NRXN2: variants seen among roughly 807,000 people sequenced by gnomAD.
The protein encoded by NRXN2 is neurexin-2-beta.
In NRXN2, 29 loss-of-function variants were observed where a neutral mutation model predicts 128.8. That is an observed-to-expected ratio of 0.23 (90% CI 0.17 to 0.31). The LOEUF (loss-of-function observed/expected upper bound fraction) is 0.31, where lower values mean the gene tolerates loss of function less well. Ranked by LOEUF, NRXN2 falls within the 10% of genes least tolerant of loss-of-function variation. The pLI, the probability that NRXN2 is intolerant of heterozygous loss-of-function variation, is 1.00. For synonymous variants in NRXN2, 1,098 were observed against 1,075.2 expected (o/e 1.02, Z -0.41); for missense variants, 1,881 against 2,452.6 (o/e 0.77, Z 4.92).
intron 15 of NRXN2, among the ~76,000 whole-genome samples, chr11:64,650,192 C>G (rs2047265760): frequency 6.6e-6 from 1 of 152,076 alleles, no homozygotes; most frequent in African/African-American, 2.4e-5. Context: ...ACTCCTAGCT[C>G]TGGAATGAGG....
intron 17 of NRXN2, among the ~76,000 whole-genome samples, chr11:64,637,891 C>A (rs555299913): frequency 9.9e-5 from 15 of 152,282 alleles, no homozygotes; most frequent in African/African-American, 3.6e-4. Context: ...AAAAAGCCGG[C>A]CAAATGCCCC....
intron 5 of NRXN2, chr11:64,688,741 T>C: frequency 1.0e-6 from 1 of 985,300 alleles, no homozygotes; most frequent in Non-Finnish European, 1.2e-6. Context: ...GTGTCCCCAG[T>C]GAATGTGGCT....
Position 64,654,736 on chromosome 11 carries a change from C to T in NRXN2, c.2390-1014G>A, listed in dbSNP as rs2048002230. 2.6e-5 allele frequency among the ~76,000 whole-genome samples: 4 copies of T among 152,192 alleles called. No individual in the cohort carries two copies. The South Asian group carries it at 8.3e-4, about 31-fold the overall frequency. On this transcript the variant is annotated intron_variant, in intron 11 of 22. Transcript: ENST00000265459. ...AGATTTAAGGCCTTTAGGATGTCTG[C>T]ACCACTCCATCAAACGCCAAGCCTG...
rs141220585 is a variant in NRXN2 at position 64,668,381 on chromosome 11, C to T, written c.1359+62G>A. On this transcript the variant is annotated intron_variant, in intron 8 of 22. Transcript: ENST00000265459. The stretch of plus-strand genomic sequence containing the variant: ...CAACTAGCCAGGTCAGACTAAGTCA[C>T]GCTGAAGACAGGAGACAAAGGGCTC... 98 of 1,599,236 alleles carry T rather than the reference C, an allele frequency of 6.1e-5. No homozygotes were observed. The East Asian group carries it at 7.4e-4, about 12-fold the overall frequency.
In NRXN2 at chr11:64,708,040, G is replaced by T. The variant is rs577381713; in HGVS notation, c.730+4930C>A. The stretch of plus-strand genomic sequence containing the variant: ...TTGAACCCGGAAGGCAGAGGTTGTG[G>T]TGAGCCAAGATTGTGCCATTGCACT... On this transcript the variant is annotated intron_variant, in intron 2 of 22. Coordinates refer to ENST00000265459, the MANE Select transcript of NRXN2 (RefSeq NM_015080.4). 2.7e-4 allele frequency among the ~76,000 whole-genome samples: 41 copies of T among 152,002 alleles called. No homozygotes were observed. In the South Asian group the frequency reaches 7.9e-3, roughly 29 times the overall value.
chr11:64,617,747 C>T (rs193217026), intron 22 of NRXN2, among the ~76,000 whole-genome samples: 7 of 152,220 alleles, frequency 4.6e-5, no homozygotes, highest in African/African-American at 1.4e-4. Context: ...AGGCTCTGGG[C>T]GGCATGGCAT....
In NRXN2 at chr11:64,653,672, CAGA is replaced by C. The variant is rs781456581; in HGVS notation, c.2416+21_2416+23del. 139 of 1,590,918 alleles carry C rather than the reference CAGA, an allele frequency of 8.7e-5. 1 individual carries two copies. The African/African-American group carries it at 9.2e-4, about 11-fold the overall frequency. On this transcript the variant is annotated intron_variant, in intron 12 of 22. Transcript: ENST00000265459. ...GCATCCCAGTCCCCTTGGGTCTCTG[CAGA>C]AGAAGAGGGAAGCCACTTACTGGGT...
chr11:64,650,404 T>A, intron 15 of NRXN2, 44 bp downstream of exon 15: 3 of 1,601,566 alleles, frequency 1.9e-6, no homozygotes, highest in Non-Finnish European at 2.6e-6. Context: ...GGGTGAGGGG[T>A]ATCTGGGCTA....
intron 1 of NRXN2, among the ~76,000 whole-genome samples, chr11:64,715,676 C>T (rs899353379): frequency 6.6e-6 from 1 of 152,108 alleles, no homozygotes; most frequent in Non-Finnish European, 1.5e-5. Context: ...CTGACTGCTG[C>T]CCTCCCAATC....
chr11:64,644,668 A>G (rs926340742), intron 17 of NRXN2, among the ~76,000 whole-genome samples: 2 of 151,962 alleles, frequency 1.3e-5, no homozygotes, highest in African/African-American at 4.8e-5. Flanking sequence ...GGCAGAGGGT[A>G]GAGGAGGAGG....
rs1591552300 is a variant in NRXN2 at position 64,622,754 on chromosome 11, T to C, written c.4172A>G (p.Gln1391Arg). Reference protein sequence around the residue: ...RSPTLRDSTTQNTDDLLVASA... With the variant: ...RSPTLRDSTTRNTDDLLVASA... ...CCACCAGCCAGAGTGGGGCCTCACC[T>C]GGGTGGTGCTGTCCCTCAGTGTGGG... The change falls in exon 21 of 23, where the codon CAG (glutamine) becomes CGG (arginine). Residue 1391 changes from glutamine to arginine, a missense_variant and splice_region_variant. Transcript: ENST00000265459. This position sits in a 1 kb window ranked among gnomAD's most constrained non-coding sequence, Gnocchi z 4.3. 1 of 1,606,686 alleles carries C rather than the reference T, an allele frequency of 6.2e-7. No individual in the cohort carries two copies. Among genetic ancestry groups the C allele is most frequent in the Non-Finnish European group, 8.5e-7 (1 of 1,177,022 alleles).
intron 5 of NRXN2, chr11:64,688,505 T>C (rs577240981): frequency 2.8e-5 from 28 of 985,300 alleles, no homozygotes; most frequent in Middle Eastern, 5.2e-4. Flanking sequence ...GGTGAGCCTG[T>C]AGGGGCGGCG....
intron 19 of NRXN2, among the ~76,000 whole-genome samples, chr11:64,627,163 A>G (rs1471046161): frequency 6.6e-6 from 1 of 151,710 alleles, no homozygotes; most frequent in Non-Finnish European, 1.5e-5. Flanking sequence ...TACCACACCT[A>G]TGACCCCGCC....
Position 64,651,906 on chromosome 11 carries a change from G to A in NRXN2, c.2536+129C>T, listed in dbSNP as rs1565305043. On this transcript the variant is annotated intron_variant, in intron 13 of 22. Coordinates refer to ENST00000265459, the MANE Select transcript of NRXN2 (RefSeq NM_015080.4). This position sits in a 1 kb window ranked among gnomAD's most constrained non-coding sequence, Gnocchi z 5.9. Reference sequence around the variant, plus strand: ...CCCATAACATTCCACCCCTGAAGGAGAAATGGCAGAGGCAGCTTGCCAGAA... The same window carrying A: ...CCCATAACATTCCACCCCTGAAGGAAAAATGGCAGAGGCAGCTTGCCAGAA... The A allele has an allele frequency of 7.0e-6, 10 of 1,434,346 alleles. No homozygotes were observed. In the East Asian group the frequency reaches 2.3e-4, roughly 33 times the overall value. The allele number at this position is 1,434,346 out of a possible 1,614,324, so 88.9% of individuals were successfully genotyped here.
rs117678300 is a variant in NRXN2, at chr11:64,633,509, A to G, written c.3585+1762T>C. Among the ~76,000 whole-genome samples, 3 of 152,312 alleles carry G rather than the reference A, an allele frequency of 2.0e-5. No individual in the cohort carries two copies. In the East Asian group the frequency reaches 5.8e-4, roughly 29 times the overall value. The stretch of plus-strand genomic sequence containing the variant: ...GTTGGGATTCAAACCCAGACCATCT[A>G]CTGCAAGCCATGCAGAGCTTCGCAT... On this transcript the variant is annotated intron_variant, in intron 18 of 22. Transcript: ENST00000265459.
intron 2 of NRXN2, among the ~76,000 whole-genome samples, chr11:64,711,432 C>T (rs949877989): frequency 6.6e-6 from 1 of 152,180 alleles, no homozygotes; most frequent in Non-Finnish European, 1.5e-5. Context: ...CCCCTCCCCA[C>T]GCCCAGCCAG....
intron 17 of NRXN2, among the ~76,000 whole-genome samples, chr11:64,637,051 G>C (rs1395397135): frequency 3.3e-5 from 5 of 152,076 alleles, no homozygotes. Flanking sequence ...AGGCCAGCAG[G>C]GGGTTGGGGG....
chr11:64,701,976 C>T (rs1301974996), intron 2 of NRXN2, among the ~76,000 whole-genome samples: 3 of 145,234 alleles, frequency 2.1e-5, no homozygotes, highest in Non-Finnish European at 3.0e-5. Context: ...CCCCGCCCGG[C>T]CAGCTGCCCC....
chr11:64,670,243 G>A (rs2050445420), intron 7 of NRXN2, among the ~76,000 whole-genome samples: 2 of 152,124 alleles, frequency 1.3e-5, no homozygotes. Context: ...TTTGTGGAAA[G>A]GGGCAGTCTG....
Sources: gnomAD v4.1 joint callset for allele counts (sites outside exome capture counted in the v4.1 genomes callset) on GRCh38, gnomAD v4.1.1 for gene constraint, Gnocchi (gnomAD v3.1) non-coding constraint, MANE v1.5 for transcripts, NCBI Gene and HGNC (gene_info 2026-07-23, HGNC 2026-07-21) for gene names.